DYNC2I2: variants seen among roughly 807,000 people sequenced by gnomAD.
DYNC2I2 encodes cytoplasmic dynein 2 intermediate chain 2.
A neutral mutation model predicts 52.0 loss-of-function variants in DYNC2I2; 39 were observed. The observed-to-expected ratio is 0.75, with a 90% CI of 0.58 to 0.98. The LOEUF (loss-of-function observed/expected upper bound fraction) is 0.98, where lower values mean the gene tolerates loss of function less well. DYNC2I2 is among the 50% of genes least tolerant of loss of function. DYNC2I2 has a pLI of 0.00. For synonymous variants in DYNC2I2, 359 were observed against 321.1 expected, an observed-to-expected ratio of 1.12 and a Z score of -1.26; for missense variants, 743 against 728.4, an observed-to-expected ratio of 1.02 and a Z score of -0.23.
upstream of DYNC2I2, among the ~76,000 whole-genome samples, chr9:128,657,118 A>AT (rs1359418918): frequency 4.6e-5 from 7 of 152,206 alleles, no homozygotes; most frequent in Admixed American, 3.3e-4. Flanking sequence ...TGAGCAGCTG[A>AT]TTCTTCCAGC....
chr9:128,636,791 C>A, intron 3 of DYNC2I2, 127 bp downstream of exon 3: 2 of 741,122 alleles, frequency 2.7e-6, no homozygotes, highest in Non-Finnish European at 4.4e-6. Flanking sequence ...CCCAGGAAGG[C>A]TTGAGAAGAG....
upstream of DYNC2I2, among the ~76,000 whole-genome samples, chr9:128,659,679 C>A (rs1336353733): frequency 6.6e-6 from 1 of 151,632 alleles, no homozygotes; most frequent in Non-Finnish European, 1.5e-5. Context: ...GAGGCCGAGG[C>A]GGGTGGATCA....
Position 128,636,289 on chromosome 9 carries a change from T to A in DYNC2I2, c.695A>T (p.His232Leu). Residue 232 changes from histidine (H) to leucine (L), a missense_variant, in exon 4 of 9, where the codon CAC becomes CTC. His to Leu is a moderately conservative substitution (Grantham distance 99, BLOSUM62 -3). Transcript: ENST00000372715. ...CACAGCAGGCAGCTCACCTGCGACGTGGGAGGGCTGCGTGGGGTGGAAGGC... is the reference window on the plus strand; with the variant it reads ...CACAGCAGGCAGCTCACCTGCGACGAGGGAGGGCTGCGTGGGGTGGAAGGC... ...CLAFHPTQPSHVAGGLYSGEV... is the reference protein window; with the variant it reads ...CLAFHPTQPSLVAGGLYSGEV... 1 of 1,571,246 alleles carries A rather than the reference T, an allele frequency of 6.4e-7. No individual in the cohort carries two copies. The highest frequency in any genetic ancestry group is 8.6e-7 in the Non-Finnish European group (1 of 1,158,746).
chr9:128,634,652 C>A (rs1055614113), intron 7 of DYNC2I2, 37 bp downstream of exon 7: 110 of 1,491,226 alleles, frequency 7.4e-5, no homozygotes, highest in Non-Finnish European at 9.2e-5. Flanking sequence ...GGCAGGGACA[C>A]CCTGGCCCCA....
the DYNC2I2 span, among the ~76,000 whole-genome samples, chr9:128,673,943 G>A: frequency 6.6e-6 from 1 of 151,338 alleles, no homozygotes; most frequent in Non-Finnish European, 1.5e-5. Context: ...CGAGTAACTG[G>A]GATTACAGGA....
Position 128,633,662 on chromosome 9 carries a change from A to C in DYNC2I2, c.*82T>G. On this transcript the variant is annotated 3_prime_UTR_variant, in exon 9 of 9. Transcript: ENST00000372715. ...ACAAATAAATGATGACTTCCCCCAA[A>C]GCTTTGCTTTTCTTCATTTGGCTTG... 1 of 1,474,440 alleles carries C rather than the reference A, an allele frequency of 6.8e-7. No homozygotes were observed. The highest frequency in any genetic ancestry group is 9.2e-7 in the Non-Finnish European group (1 of 1,084,288). The allele number at this position is 1,474,440 out of a possible 1,614,324, so 91.3% of individuals were successfully genotyped here.
At chr9:128,643,004 C>T (rs950397322) in intron 1 of DYNC2I2, among the ~76,000 whole-genome samples, 5 of 151,834 alleles carry the variant, frequency 3.3e-5, no homozygotes, top group Admixed American at 2.6e-4. Flanking sequence ...AGGGAGATGG[C>T]GTTTGAGCTG....
At chr9:128,637,113 C>A in intron 2 of DYNC2I2, 86 bp from the exon 3 acceptor site, 1 of 911,608 alleles carries the variant, frequency 1.1e-6, no homozygotes. Context: ...GGCCAGGCCA[C>A]CCTTAGCCCT....
At chr9:128,649,446 T>C (rs1251129630) in intron 1 of DYNC2I2, among the ~76,000 whole-genome samples, 1 of 149,802 alleles carries the variant, frequency 6.7e-6, no homozygotes, top group Non-Finnish European at 1.5e-5. Flanking sequence ...ACCAGCACTT[T>C]GGGAGGCCAA....
chr9:128,678,162 C>T, the DYNC2I2 span, among the ~76,000 whole-genome samples: 2 of 151,548 alleles, frequency 1.3e-5, no homozygotes, highest in African/African-American at 2.4e-5. Context: ...CTCTGCCTCC[C>T]GCATTCAAGC....
At chr9:128,667,058 G>C in the DYNC2I2 span, among the ~76,000 whole-genome samples, 2 of 151,448 alleles carry the variant, frequency 1.3e-5, no homozygotes, top group Non-Finnish European at 2.9e-5. Context: ...AATTGGCCAG[G>C]TGTGGTGGTG....
At position 128,656,793 on chromosome 9, in the gene DYNC2I2, C is replaced by G; in HGVS notation, c.-67G>C. 7.7e-7 allele frequency: 1 copy of G among 1,302,912 alleles called. No individual in the cohort carries two copies. Among genetic ancestry groups the G allele is most frequent in the Non-Finnish European group, 9.8e-7 (1 of 1,022,188 alleles). The allele number at this position is 1,302,912 out of a possible 1,614,324, so 80.7% of individuals were successfully genotyped here. A position where few individuals can be genotyped will look rare whatever the true frequency, so the allele number is the denominator to read the frequency against. On this transcript the variant is annotated 5_prime_UTR_variant, in exon 1 of 9. Transcript: ENST00000372715. ...ACCTCCGCCCCTACGCCGCCATGAG[C>G]GGAAAACGGGGAATGTGAGGCTGAC...
At chr9:128,676,180 A>T in the DYNC2I2 span, among the ~76,000 whole-genome samples, 5 of 152,068 alleles carry the variant, frequency 3.3e-5, no homozygotes, top group African/African-American at 1.2e-4. Context: ...TTTAAAAATA[A>T]AGAAAAAATA....
At position 128,634,835 on chromosome 9, in the gene DYNC2I2, G is replaced by A. The variant is rs760236503; in HGVS notation, c.1068C>T (p.Gly356=). Residue 356 remains glycine (G), a synonymous_variant, in exon 7 of 9, where the codon GGC becomes GGT. Coordinates refer to ENST00000372715, the MANE Select transcript of DYNC2I2 (RefSeq NM_052844.4). ...CCAGGGAACACTTGAGCGGGAAGCC[G>A]CCTTCCGTGCCCAGAATGAACAGCC... ...DPRLFILGTE[G]GFPLKCSLAA... The A allele has an allele frequency of 2.4e-5, 38 of 1,613,256 alleles. No homozygotes were observed. Among genetic ancestry groups the A allele is most frequent in the South Asian group, 2.0e-4 (18 of 91,040 alleles).
chr9:128,682,174 G>A, the DYNC2I2 span, among the ~76,000 whole-genome samples: 13 of 151,148 alleles, frequency 8.6e-5, no homozygotes, highest in South Asian at 2.1e-3. Flanking sequence ...TCAGCCTCCC[G>A]AGTAGCTGGG....
At chr9:128,635,344 C>A in intron 5 of DYNC2I2, 85 bp from the exon 6 acceptor site, 3 of 1,465,502 alleles carry the variant, frequency 2.0e-6, no homozygotes, top group Admixed American at 2.5e-5. Context: ...CCCTCTCTTC[C>A]AGGAAAAAAA....
upstream of DYNC2I2, among the ~76,000 whole-genome samples, chr9:128,659,706 C>T (rs1860896342): frequency 6.6e-6 from 1 of 151,714 alleles, no homozygotes; most frequent in Non-Finnish European, 1.5e-5. Flanking sequence ...GTCAGGAGTT[C>T]GAGACCAGCC....
upstream of DYNC2I2, among the ~76,000 whole-genome samples, chr9:128,661,261 C>T (rs1253921257): frequency 2.7e-5 from 4 of 147,808 alleles, no homozygotes; most frequent in Admixed American, 1.4e-4. Flanking sequence ...AGAATTGCTA[C>T]CCCACTGCAC....
chr9:128,671,809 G>A, the DYNC2I2 span, among the ~76,000 whole-genome samples: 23 of 150,658 alleles, frequency 1.5e-4, no homozygotes, highest in East Asian at 4.5e-3. Flanking sequence ...CCGCCACCAT[G>A]CCCGGCTAAT....
Sources: gnomAD v4.1 joint callset for allele counts (sites outside exome capture counted in the v4.1 genomes callset) on GRCh38, gnomAD v4.1.1 for gene constraint, MANE v1.5 for transcripts, NCBI Gene and HGNC (gene_info 2026-07-23, HGNC 2026-07-21) for gene names.